The following PAX5 variants were observed in gnomAD, a reference collection of about 807,000 sequenced individuals.
PAX5 encodes the protein paired box 5, also known as paired box protein Pax-5.
PAX5 carries 9 observed loss-of-function variants against 43.7 expected under a neutral mutation model. That is an observed-to-expected ratio of 0.21 (90% CI 0.12 to 0.36). The LOEUF (loss-of-function observed/expected upper bound fraction) is 0.36, where lower values mean the gene tolerates loss of function less well. Ranked by LOEUF, PAX5 falls within the 10% of genes least tolerant of loss-of-function variation. The probability of loss-of-function intolerance (pLI) is 1.00; values close to 1 mark genes in which losing one functional copy is unlikely to be tolerated. For synonymous variants in PAX5, 228 were observed against 214.3 expected, an observed-to-expected ratio of 1.06 and a Z score of -0.56; for missense variants, 383 against 532.7, an observed-to-expected ratio of 0.72 and a Z score of 2.77.
chr9:36,912,880 G>A (rs765325970), intron 7 of PAX5, among the ~76,000 whole-genome samples: 2 of 152,296 alleles, frequency 1.3e-5, no homozygotes, highest in South Asian at 2.1e-4. Flanking sequence ...AGGGAGGCAG[G>A]GGCAGAATTA....
chr9:36,942,875 A>G (rs1421748990), intron 6 of PAX5, among the ~76,000 whole-genome samples: 1 of 152,232 alleles, frequency 6.6e-6, no homozygotes, highest in East Asian at 1.9e-4. Context: ...ATGAAAGGGC[A>G]GGGCCTGGTG....
chr9:37,003,147 C>A, intron 4 of PAX5, among the ~76,000 whole-genome samples: 1 of 107,700 alleles, frequency 9.3e-6, no homozygotes, highest in Non-Finnish European at 1.8e-5. Context: ...CACCAACAGT[C>A]AGTGCTTAAA....
At chr9:37,020,572 T>C (rs1295721164) in intron 2 of PAX5, 64 bp downstream of exon 2, 6 of 1,502,908 alleles carry the variant, frequency 4.0e-6, no homozygotes, top group Non-Finnish European at 5.5e-6. Flanking sequence ...ATTGGACAGC[T>C]GCTGGGTCAT....
At chr9:36,988,985 C>A (rs964705752) in intron 5 of PAX5, among the ~76,000 whole-genome samples, 10 of 152,200 alleles carry the variant, frequency 6.6e-5, no homozygotes, top group Non-Finnish European at 1.0e-4. Flanking sequence ...AAAGGAAAGG[C>A]AAGGCTCAAA....
intron 5 of PAX5, among the ~76,000 whole-genome samples, chr9:36,977,303 GA>G (rs2132256416): frequency 7.3e-6 from 1 of 137,046 alleles, no homozygotes; most frequent in African/African-American, 2.7e-5. Context: ...AAGATCTAAA[GA>G]TTGGGGGGGT....
intron 7 of PAX5, among the ~76,000 whole-genome samples, chr9:36,891,118 G>C (rs796800009): frequency 6.6e-6 from 1 of 152,108 alleles, no homozygotes; most frequent in African/African-American, 2.4e-5. Context: ...CGGCCTGGGC[G>C]ACAGAGCGCA....
intron 5 of PAX5, among the ~76,000 whole-genome samples, chr9:36,968,466 G>A (rs887296621): frequency 6.6e-6 from 1 of 152,224 alleles, no homozygotes; most frequent in African/African-American, 2.4e-5. Context: ...CCTCGTAGAA[G>A]TCAACAGGCT....
chr9:36,910,063 T>A (rs939514048), intron 7 of PAX5, among the ~76,000 whole-genome samples: 1 of 152,084 alleles, frequency 6.6e-6, no homozygotes, highest in African/African-American at 2.4e-5. Flanking sequence ...GCTCAAGCAA[T>A]CCACCCTCTT....
chr9:37,013,749 C>T (rs1839163469), intron 3 of PAX5, among the ~76,000 whole-genome samples: 1 of 152,198 alleles, frequency 6.6e-6, no homozygotes, highest in Non-Finnish European at 1.5e-5. Context: ...AACTGTGTGC[C>T]TGATTCTCCT....
intron 5 of PAX5, among the ~76,000 whole-genome samples, chr9:36,970,427 A>G (rs1834837617): frequency 6.6e-6 from 1 of 152,158 alleles, no homozygotes; most frequent in Admixed American, 6.5e-5. Context: ...AGACAGCCCC[A>G]GGGGCCAGAG....
intron 7 of PAX5, among the ~76,000 whole-genome samples, chr9:36,912,535 C>T (rs373273112): frequency 6.6e-6 from 1 of 152,182 alleles, no homozygotes; most frequent in Non-Finnish European, 1.5e-5. Context: ...TCCATTTCAT[C>T]ATATAATGGC....
In PAX5 at chr9:36,882,026, C is replaced by T. The variant is rs145306022; in HGVS notation, c.990G>A (p.Pro330=). 9.7e-5 allele frequency: 157 copies of T among 1,612,674 alleles called. No individual in the cohort carries two copies. Among genetic ancestry groups the T allele is most frequent in the Non-Finnish European group, 1.2e-4 (140 of 1,179,362 alleles). The change falls in exon 8 of 10, where the codon CCG becomes CCA. Residue 330 remains proline, a synonymous_variant. Transcript: ENST00000358127. The surrounding 1 kb of genome is among the most constrained non-coding windows in gnomAD (Gnocchi z 4.4). ...PPAGQGSYSA[P]TLTGMVPGSE... ...CACCAGGCACCATCCCTGTCAGCGT[C>T]GGTGCTGAGTAGCTGCCCTGTCCAG...
chr9:36,958,131 C>T (rs954680617), intron 6 of PAX5, among the ~76,000 whole-genome samples: 2 of 152,192 alleles, frequency 1.3e-5, no homozygotes, highest in Non-Finnish European at 2.9e-5. Context: ...AGCCCTGCCC[C>T]TGCAGAAATG....
intron 5 of PAX5, among the ~76,000 whole-genome samples, chr9:36,968,922 C>T (rs1834687386): frequency 6.6e-6 from 1 of 152,136 alleles, no homozygotes; most frequent in Admixed American, 6.5e-5. Flanking sequence ...CACACACATG[C>T]ACACACACAT....
At chr9:36,875,380 T>C (rs539019589) in intron 8 of PAX5, among the ~76,000 whole-genome samples, 1 of 152,280 alleles carries the variant, frequency 6.6e-6, no homozygotes, top group South Asian at 2.1e-4. Flanking sequence ...ATTGTACAGC[T>C]CTTACATACC....
At chr9:36,954,208 A>AAAC (rs1833253966) in intron 6 of PAX5, among the ~76,000 whole-genome samples, 1 of 152,138 alleles carries the variant, frequency 6.6e-6, no homozygotes, top group Non-Finnish European at 1.5e-5. Context: ...AAGTAATTGG[A>AAAC]CTAAAGTAAG....
At chr9:36,889,192 A>T (rs975620912) in intron 7 of PAX5, among the ~76,000 whole-genome samples, 1 of 152,000 alleles carries the variant, frequency 6.6e-6, no homozygotes, top group Non-Finnish European at 1.5e-5. Flanking sequence ...GAGTTCCCAC[A>T]AGCCAGGCCC....
intron 1 of PAX5, among the ~76,000 whole-genome samples, chr9:37,022,112 AT>A (rs1204557077): frequency 6.6e-6 from 1 of 152,198 alleles, no homozygotes; most frequent in Non-Finnish European, 1.5e-5. Flanking sequence ...TGTCCAAGCA[AT>A]CCACTCAAGT....
intron 8 of PAX5, among the ~76,000 whole-genome samples, chr9:36,850,983 G>A (rs1440029448): frequency 6.6e-6 from 1 of 152,220 alleles, no homozygotes; most frequent in Non-Finnish European, 1.5e-5. Context: ...CAGAAGGCAG[G>A]TGGGCATGTG....
Sources: allele counts gnomAD v4.1 joint callset (sites outside exome capture counted in the v4.1 genomes callset), GRCh38; gene constraint gnomAD v4.1.1; non-coding constraint Gnocchi (gnomAD v3.1); transcripts MANE v1.5; gene names NCBI Gene and HGNC (gene_info 2026-07-23, HGNC 2026-07-21).